Variants in NTF3 observed in about 807,000 individuals in gnomAD.
NTF3 encodes the protein neurotrophin-3.
In NTF3, 8 loss-of-function variants were observed where a neutral mutation model predicts 26.3. That is an observed-to-expected ratio of 0.30 (90% CI 0.18 to 0.55). The LOEUF (loss-of-function observed/expected upper bound fraction) is 0.55. Among genes scored for constraint, NTF3 ranks in the 20% least tolerant of loss-of-function variants. The probability of loss-of-function intolerance (pLI) is 0.93; values close to 1 mark genes in which losing one functional copy is unlikely to be tolerated. For synonymous variants in NTF3, 154 were observed against 145.5 expected, an observed-to-expected ratio of 1.06 and a Z score of -0.42; for missense variants, 276 against 352.9, an observed-to-expected ratio of 0.78 and a Z score of 1.75.
At chr12:5,481,912 C>T (rs1940809868) in intron 1 of NTF3, among the ~76,000 whole-genome samples, 1 of 151,550 alleles carries the variant, frequency 6.6e-6, no homozygotes. Flanking sequence ...CAGACACACC[C>T]ACGGGCTTAC....
In NTF3 at chr12:5,439,665, A is replaced by T. The variant is rs538574417; in HGVS notation, c.18+7323A>T. Reference sequence around the variant, plus strand: ...CAGAATACGGATATTGATTTAAGCCACAATTGCCTCCTTGTAAACTCTATA... The same window carrying T: ...CAGAATACGGATATTGATTTAAGCCTCAATTGCCTCCTTGTAAACTCTATA... On this transcript the variant is annotated intron_variant, in intron 1 of 1. Transcript: ENST00000423158. Among the ~76,000 whole-genome samples the T allele has an allele frequency of 4.6e-5, 7 of 152,340 alleles. No homozygotes were observed. The East Asian group carries it at 1.3e-3, about 29-fold the overall frequency.
chr12:5,430,963 T>G (rs893902581), upstream of NTF3, among the ~76,000 whole-genome samples: 1 of 151,796 alleles, frequency 6.6e-6, no homozygotes, highest in Non-Finnish European at 1.5e-5. Flanking sequence ...GCTCTCGATT[T>G]CTCGTTGATC....
chr12:5,432,353 G>T lies in NTF3; in HGVS notation c.18+11G>T, dbSNP rs758997374. The stretch of plus-strand genomic sequence containing the variant: ...GTTACTTTTGCCACGGTAAGGGGAG[G>T]CGGCGGGCACCTTGGGTGGGCAGGT... On this transcript the variant is annotated intron_variant, in intron 1 of 1. Transcript: ENST00000423158. The T allele has an allele frequency of 9.9e-6, 16 of 1,612,482 alleles. No homozygotes were observed. In the African/African-American group the frequency reaches 1.5e-4, roughly 15 times the overall value.
chr12:5,448,922 C>T (rs911989423), intron 1 of NTF3, among the ~76,000 whole-genome samples: 9 of 152,166 alleles, frequency 5.9e-5, no homozygotes, highest in Admixed American at 2.0e-4. Flanking sequence ...CATTCGGCAA[C>T]GCACTTCTGA....
chr12:5,440,845 G>A lies in NTF3; in HGVS notation c.18+8503G>A, dbSNP rs1049069019. On this transcript the variant is annotated intron_variant, in intron 1 of 1. Coordinates refer to ENST00000423158, the MANE Select transcript of NTF3 (RefSeq NM_001102654.2). ...CGGCCCCACACTGTGGCCCATGCCTGGGATTTTCAGGTAACCCTGCTGGCC... is the reference window on the plus strand; with the variant it reads ...CGGCCCCACACTGTGGCCCATGCCTAGGATTTTCAGGTAACCCTGCTGGCC... 2.0e-5 allele frequency among the ~76,000 whole-genome samples: 3 copies of A among 152,320 alleles called. No individual in the cohort carries two copies. The Middle Eastern group carries it at 0.01, about 518-fold the overall frequency.
chr12:5,449,194 G>C (rs1940342886), intron 1 of NTF3, among the ~76,000 whole-genome samples: 2 of 152,330 alleles, frequency 1.3e-5, no homozygotes, highest in Admixed American at 1.3e-4. Flanking sequence ...ACAGCACAGG[G>C]GTGGAAACAA....
At chr12:5,435,129 T>G (rs1940150873) in intron 1 of NTF3, among the ~76,000 whole-genome samples, 1 of 152,170 alleles carries the variant, frequency 6.6e-6, no homozygotes, top group Non-Finnish European at 1.5e-5. Context: ...AAGAGATGTG[T>G]GCATAAGACT....
rs569485494 is a variant in NTF3, at chr12:5,446,517, C to A, written c.18+14175C>A. Among the ~76,000 whole-genome samples the A allele has an allele frequency of 3.3e-5, 5 of 152,290 alleles. No homozygotes were observed. The South Asian group carries it at 1.0e-3, about 32-fold the overall frequency. On this transcript the variant is annotated intron_variant, in intron 1 of 1. Transcript: ENST00000423158. ...GCCCAACCTGAGGACATGCTTTAAC[C>A]AACAGGCCTTTATATTGAGAAAATA... is the stretch of plus-strand genomic sequence containing the variant.
intron 1 of NTF3, among the ~76,000 whole-genome samples, chr12:5,483,692 TTTAGGTCTTTGAGGAATTGC>T (rs1250054289): frequency 2.6e-5 from 4 of 152,226 alleles, no homozygotes; most frequent in Non-Finnish European, 5.9e-5. Flanking sequence ...TATTTCTATT[TTTAGGTCTTTGAGGAATTGC>T]TTAGGTCTTT....
At chr12:5,444,039 C>G (rs2121153163) in intron 1 of NTF3, among the ~76,000 whole-genome samples, 1 of 151,906 alleles carries the variant, frequency 6.6e-6, no homozygotes, top group South Asian at 2.1e-4. Flanking sequence ...TACTTTTTGG[C>G]TCTTGTCTGA....
At chr12:5,479,503 G>C (rs1430503732) in intron 1 of NTF3, among the ~76,000 whole-genome samples, 3 of 152,218 alleles carry the variant, frequency 2.0e-5, no homozygotes, top group African/African-American at 2.4e-5. Flanking sequence ...GGTCCACCCT[G>C]CTGGGCTCTA....
At chr12:5,449,216 C>T (rs558711767) in intron 1 of NTF3, among the ~76,000 whole-genome samples, 14 of 152,260 alleles carry the variant, frequency 9.2e-5, no homozygotes, top group Middle Eastern at 3.4e-3. Context: ...TGTGGAGTGT[C>T]GAGAGCTTGA....
Position 5,467,228 on chromosome 12 carries a change from C to CAAAAAAAA in NTF3, c.19-26938_19-26931dup, listed in dbSNP as rs60794349. Among the ~76,000 whole-genome samples the CAAAAAAAA allele has an allele frequency of 3.0e-3, 149 of 49,550 alleles. 15 individuals are homozygous for CAAAAAAAA. Among genetic ancestry groups the CAAAAAAAA allele is most frequent in the Non-Finnish European group, 3.5e-3 (108 of 30,722 alleles). The allele number at this position is 49,550 out of a possible 152,430, so 32.5% of individuals were successfully genotyped here. A position where few individuals can be genotyped will look rare whatever the true frequency, so the allele number is the denominator to read the frequency against. ...TGTGCAACAGAGCGAGACTCCGTCT[C>CAAAAAAAA]AAAAAAAAAAAAAAAAAAAAAAAAA... On this transcript the variant is annotated intron_variant, in intron 1 of 1. Coordinates refer to ENST00000423158, the MANE Select transcript of NTF3 (RefSeq NM_001102654.2).
intron 1 of NTF3, among the ~76,000 whole-genome samples, chr12:5,451,008 C>A (rs1457954214): frequency 6.6e-6 from 1 of 152,162 alleles, no homozygotes; most frequent in African/African-American, 2.4e-5. Context: ...TTTTCTGATT[C>A]CAGAGTCCAG....
intron 1 of NTF3, among the ~76,000 whole-genome samples, chr12:5,480,609 A>T (rs1054853909): frequency 6.6e-6 from 1 of 152,166 alleles, no homozygotes; most frequent in African/African-American, 2.4e-5. Context: ...GGACCCTCCA[A>T]CCTGATCCCA....
chr12:5,460,782 G>T (rs191131581), intron 1 of NTF3, among the ~76,000 whole-genome samples: 171 of 152,288 alleles, frequency 1.1e-3, no homozygotes, highest in African/African-American at 4.0e-3. Flanking sequence ...CTGTAAGACT[G>T]CATTTCTTTC....
intron 1 of NTF3, among the ~76,000 whole-genome samples, chr12:5,441,680 A>T (rs188440531): frequency 1.3e-3 from 192 of 152,314 alleles, no homozygotes; most frequent in Non-Finnish European, 2.2e-3. Context: ...TGTTGAGTGA[A>T]TGAATGCGTG....
At chr12:5,467,452 T>C (rs1361333051) in intron 1 of NTF3, among the ~76,000 whole-genome samples, 1 of 152,186 alleles carries the variant, frequency 6.6e-6, no homozygotes, top group Non-Finnish European at 1.5e-5. Flanking sequence ...CAGACGTCTT[T>C]AGAGTGCTTG....
upstream of NTF3, chr12:5,431,967 G>T (rs919726592): frequency 3.5e-4 from 53 of 150,516 alleles, no homozygotes; most frequent in Admixed American, 2.6e-3. Flanking sequence ...AGGGCGGGGG[G>T]GGGGCTCTGG....
Sources: gnomAD v4.1 joint callset for allele counts (sites outside exome capture counted in the v4.1 genomes callset) on GRCh38, gnomAD v4.1.1 for gene constraint, MANE v1.5 for transcripts, NCBI Gene and HGNC (gene_info 2026-07-23, HGNC 2026-07-21) for gene names.